ALG2: variants seen among roughly 807,000 people sequenced by gnomAD.
ALG2 encodes the protein alpha-1,3/1,6-mannosyltransferase ALG2.
In ALG2, 32 loss-of-function variants were observed where a neutral mutation model predicts 30.5. That is an observed-to-expected ratio of 1.05 (90% CI 0.79 to 1.41). The LOEUF is 1.41. ALG2 is among the 40% of genes most tolerant of loss of function. ALG2 has a pLI of 0.00. For synonymous variants in ALG2, 253 were observed against 224.8 expected, an observed-to-expected ratio of 1.13 and a Z score of -1.12; for missense variants, 574 against 526.4, an observed-to-expected ratio of 1.09 and a Z score of -0.88.
rs1192829913 is a variant in ALG2, at chr9:99,217,622, C to T, written c.*312G>A. 2.0e-6 allele frequency: 1 copy of T among 492,168 alleles called. No individual in the cohort carries two copies. Among genetic ancestry groups the T allele is most frequent in the Non-Finnish European group, 4.0e-6 (1 of 252,610 alleles). The allele number at this position is 492,168 out of a possible 1,614,324, so 30.5% of individuals were successfully genotyped here. ...ATGAAAACCAATTAAGGCACAGTAT[C>T]ATTCAAAATTTATAGACAGAAGAGC... is the stretch of plus-strand genomic sequence containing the variant. On this transcript the variant is annotated 3_prime_UTR_variant, in exon 2 of 2. Coordinates refer to ENST00000476832, the MANE Select transcript of ALG2 (RefSeq NM_033087.4).
At chr9:99,221,212 T>C (rs1039414089) in intron 1 of ALG2, 9 of 1,312,290 alleles carry the variant, frequency 6.9e-6, no homozygotes, top group Non-Finnish European at 8.1e-6. Flanking sequence ...AAAAGGTGAC[T>C]GAAGCTGACT....
At position 99,221,726 on chromosome 9, in the gene ALG2, C is replaced by T. The variant is rs1828809981; in HGVS notation, c.169G>A (p.Gly57Ser). 1.9e-6 allele frequency: 3 copies of T among 1,598,208 alleles called. No individual in the cohort carries two copies. Among genetic ancestry groups the T allele is most frequent in the South Asian group, 1.1e-5 (1 of 90,900 alleles). Residue 57 changes from glycine to serine, a missense_variant, in exon 1 of 2, where the codon GGC becomes AGC. Coordinates refer to ENST00000476832, the MANE Select transcript of ALG2 (RefSeq NM_033087.4). Reference sequence around the variant, plus strand: ...TCGCGGCTCTCGGCGAAACAGTGGCCCGGGTCGTAGTGCGCTGTCCAGATC... The same window carrying T: ...TCGCGGCTCTCGGCGAAACAGTGGCTCGGGTCGTAGTGCGCTGTCCAGATC... Reference protein sequence around the residue: ...VKIWTAHYDPGHCFAESRELP... With the variant: ...VKIWTAHYDPSHCFAESRELP...
chr9:99,216,854 T>G lies in ALG2; in HGVS notation c.*1080A>C. Reference sequence around the variant, plus strand: ...GGCTCTCAAGTCTAGCTCTTAAGAGTTGATAAATGTGGAGCCTTTGGCTAG... The same window carrying G: ...GGCTCTCAAGTCTAGCTCTTAAGAGGTGATAAATGTGGAGCCTTTGGCTAG... On this transcript the variant is annotated 3_prime_UTR_variant, in exon 2 of 2. Coordinates refer to ENST00000476832, the MANE Select transcript of ALG2 (RefSeq NM_033087.4). 2.2e-6 allele frequency: 1 copy of G among 453,972 alleles called. No individual in the cohort carries two copies. Among genetic ancestry groups the G allele is most frequent in the South Asian group, 1.6e-5 (1 of 64,460 alleles). 28.1% of individuals were successfully genotyped at this position (453,972 alleles called of 1,614,324 possible). A position where few individuals can be genotyped will look rare whatever the true frequency, so the allele number is the denominator to read the frequency against.
In ALG2 at chr9:99,218,966, C is replaced by T. The variant is rs929026741; in HGVS notation, c.349-130G>A. ...GGGCAATGTCTGATTCTGTTTTATT[C>T]CCCAAGACTCTCACCCAGTACCATA... On this transcript the variant is annotated intron_variant, in intron 1 of 1. Coordinates refer to ENST00000476832, the MANE Select transcript of ALG2 (RefSeq NM_033087.4). The T allele has an allele frequency of 6.2e-6, 6 of 972,504 alleles. No homozygotes were observed. In the Admixed American group the frequency reaches 1.2e-4, roughly 19 times the overall value. 60.2% of individuals were successfully genotyped at this position (972,504 alleles called of 1,614,324 possible).
chr9:99,221,135 G>A (rs1828792463), intron 1 of ALG2: 1 of 1,356,060 alleles, frequency 7.4e-7, no homozygotes, highest in Non-Finnish European at 9.7e-7. Flanking sequence ...GGATGCAAAT[G>A]GCCTGAAAGG....
In ALG2 at chr9:99,217,599, G is replaced by A. The variant is rs1828715908; in HGVS notation, c.*335C>T. ...TGATAATGATACACACTTAAACTAT[G>A]AAAACCAATTAAGGCACAGTATCAT... On this transcript the variant is annotated 3_prime_UTR_variant, in exon 2 of 2. Transcript: ENST00000476832. The A allele has an allele frequency of 2.1e-6, 1 of 472,272 alleles. No individual in the cohort carries two copies. Among genetic ancestry groups the A allele is most frequent in the Non-Finnish European group, 4.2e-6 (1 of 239,276 alleles). The allele number at this position is 472,272 out of a possible 1,614,324, so 29.3% of individuals were successfully genotyped here. A position where few individuals can be genotyped will look rare whatever the true frequency, so the allele number is the denominator to read the frequency against.
rs567347138 is a variant in ALG2, at chr9:99,216,527, C to T, written c.*1407G>A. 1.8e-5 allele frequency: 8 copies of T among 453,960 alleles called. No homozygotes were observed. Among genetic ancestry groups the T allele is most frequent in the South Asian group, 9.3e-5 (6 of 64,392 alleles). The allele number at this position is 453,960 out of a possible 1,614,324, so 28.1% of individuals were successfully genotyped here. ...TACAGAATCATTTTGCCAAAATACTCCTGTGATACAGATGCACATGATAAA... is the reference window on the plus strand; with the variant it reads ...TACAGAATCATTTTGCCAAAATACTTCTGTGATACAGATGCACATGATAAA... On this transcript the variant is annotated 3_prime_UTR_variant, in exon 2 of 2. Coordinates refer to ENST00000476832, the MANE Select transcript of ALG2 (RefSeq NM_033087.4).
At position 99,217,196 on chromosome 9, in the gene ALG2, C is replaced by T. The variant is rs1011737229; in HGVS notation, c.*738G>A. The stretch of plus-strand genomic sequence containing the variant: ...TTAACAAAACTAATGACCTAGATGA[C>T]ATTAAGAAATATACCCTAAACAAGA... On this transcript the variant is annotated 3_prime_UTR_variant, in exon 2 of 2. Transcript: ENST00000476832. 1 of 453,958 alleles carries T rather than the reference C, an allele frequency of 2.2e-6. No homozygotes were observed. Among genetic ancestry groups the T allele is most frequent in the African/African-American group, 2.0e-5 (1 of 49,990 alleles). The allele number at this position is 453,958 out of a possible 1,614,324, so 28.1% of individuals were successfully genotyped here. A position where few individuals can be genotyped will look rare whatever the true frequency, so the allele number is the denominator to read the frequency against.
chr9:99,218,242 A>T lies in ALG2; in HGVS notation c.943T>A (p.Cys315Ser). 6.2e-7 allele frequency: 1 copy of T among 1,614,250 alleles called. No individual in the cohort carries two copies. The highest frequency in any genetic ancestry group is 1.1e-5 in the South Asian group (1 of 91,090). The stretch of plus-strand genomic sequence containing the variant: ...CTTGGTGTGTAAAGCACACACGTGC[A>T]GCTGTGGAGGAGGGAGATTTTCTGT... ...DKQKISLLHS[C>S]TCVLYTPSNE... The change falls in exon 2 of 2, where the codon TGC (cysteine) becomes AGC (serine). Residue 315 changes from cysteine to serine, a missense_variant. Cys to Ser is a moderately radical substitution (Grantham distance 112). Coordinates refer to ENST00000476832, the MANE Select transcript of ALG2 (RefSeq NM_033087.4).
At chr9:99,220,075 G>T (rs780471344) in intron 1 of ALG2, among the ~76,000 whole-genome samples, 7 of 152,322 alleles carry the variant, frequency 4.6e-5, no homozygotes, top group Middle Eastern at 3.4e-3. Flanking sequence ...ATCATACATT[G>T]TGGGGGAGTA....
rs1828814151 is a variant in ALG2 at position 99,221,848 on chromosome 9, G to A, written c.47C>T (p.Ser16Leu). ...CAGGTCTGGGTGGAGGAACAGCACC[G>A]ACGGCTTGGGAACCGAGTCCCGTTC... is the stretch of plus-strand genomic sequence containing the variant. The part of the protein sequence containing the change: ...GRERDSVPKP[S>L]VLFLHPDLGV... The change falls in exon 1 of 2, where the codon TCG becomes TTG. Residue 16 changes from serine (S) to leucine (L), a missense_variant. Physicochemically the swap from Ser to Leu is moderately radical, Grantham distance 145. Transcript: ENST00000476832. The A allele has an allele frequency of 1.3e-6, 2 of 1,594,278 alleles. No homozygotes were observed. Among genetic ancestry groups the A allele is most frequent in the African/African-American group, 1.3e-5 (1 of 74,916 alleles).
In ALG2 at chr9:99,217,004, G is replaced by A. The variant is rs1397873893; in HGVS notation, c.*930C>T. The A allele has an allele frequency of 2.2e-6, 1 of 454,020 alleles. No homozygotes were observed. The highest frequency in any genetic ancestry group is 4.4e-6 in the Non-Finnish European group (1 of 226,812). 28.1% of individuals were successfully genotyped at this position (454,020 alleles called of 1,614,324 possible). ...AAGTCAGTGTCACGAAAATATCAGT[G>A]TCATGAAAAGGCTAGAGTACATGGA... On this transcript the variant is annotated 3_prime_UTR_variant, in exon 2 of 2. Transcript: ENST00000476832.
Position 99,218,016 on chromosome 9 carries a change from C to T in ALG2, c.1169G>A (p.Gly390Glu). Residue 390 changes from glycine (G) to glutamate (E), a missense_variant, in exon 2 of 2, where the codon GGA becomes GAA. Transcript: ENST00000476832. Reference sequence around the variant, plus strand: ...AAATTTTTCCTTCACTCTGGCTCTTCCAGCCAGGCCCATGGTGGCTTTTAA... The same window carrying T: ...AAATTTTTCCTTCACTCTGGCTCTTTCAGCCAGGCCCATGGTGGCTTTTAA... ...PSLKATMGLA[G>E]RARVKEKFSP... The T allele has an allele frequency of 6.2e-7, 1 of 1,614,214 alleles. No individual in the cohort carries two copies. The highest frequency in any genetic ancestry group is 8.5e-7 in the Non-Finnish European group (1 of 1,180,030).
At chr9:99,220,468 C>G (rs1828773214) in intron 1 of ALG2, among the ~76,000 whole-genome samples, 1 of 152,028 alleles carries the variant, frequency 6.6e-6, no homozygotes, top group South Asian at 2.1e-4. Flanking sequence ...GTCAGGAGTT[C>G]GAGACCAGCC....
At position 99,221,819 on chromosome 9, in the gene ALG2, C is replaced by T. The variant is rs1280699944; in HGVS notation, c.76G>A (p.Val26Met). The T allele has an allele frequency of 1.3e-6, 2 of 1,597,406 alleles. No individual in the cohort carries two copies. Residue 26 changes from valine to methionine, a missense_variant, in exon 1 of 2, where the codon GTG (valine) becomes ATG (methionine). Val to Met is a conservative substitution (Grantham distance 21). Coordinates refer to ENST00000476832, the MANE Select transcript of ALG2 (RefSeq NM_033087.4). ...SVLFLHPDLG[V>M]GGAERLVLDA... ...AACACCAGCCGCTCAGCGCCGCCCA[C>T]GCCCAGGTCTGGGTGGAGGAACAGC...
chr9:99,217,677 C>T lies in ALG2; in HGVS notation c.*257G>A. The T allele has an allele frequency of 1.7e-6, 1 of 601,302 alleles. No homozygotes were observed. Among genetic ancestry groups the T allele is most frequent in the Non-Finnish European group, 3.1e-6 (1 of 323,702 alleles). The allele number at this position is 601,302 out of a possible 1,614,324, so 37.2% of individuals were successfully genotyped here. A position where few individuals can be genotyped will look rare whatever the true frequency, so the allele number is the denominator to read the frequency against. Reference sequence around the variant, plus strand: ...ATCCCGAGAAAATATAATTAAAATACTCTGCTGAACATGGAATGACACCAC... The same window carrying T: ...ATCCCGAGAAAATATAATTAAAATATTCTGCTGAACATGGAATGACACCAC... On this transcript the variant is annotated 3_prime_UTR_variant, in exon 2 of 2. Coordinates refer to ENST00000476832, the MANE Select transcript of ALG2 (RefSeq NM_033087.4).
chr9:99,217,618 G>GT lies in ALG2; in HGVS notation c.*315dup. The GT allele has an allele frequency of 2.0e-6, 1 of 488,110 alleles. No homozygotes were observed. The highest frequency in any genetic ancestry group is 4.0e-6 in the Non-Finnish European group (1 of 249,836). The allele number at this position is 488,110 out of a possible 1,614,324, so 30.2% of individuals were successfully genotyped here. ...AACTATGAAAACCAATTAAGGCACA[G>GT]TATCATTCAAAATTTATAGACAGAA... On this transcript the variant is annotated 3_prime_UTR_variant, in exon 2 of 2. Transcript: ENST00000476832.
Position 99,217,633 on chromosome 9 carries a change from T to G in ALG2, c.*301A>C, listed in dbSNP as rs941587788. 3 of 504,958 alleles carry G rather than the reference T, an allele frequency of 5.9e-6. No homozygotes were observed. The highest frequency in any genetic ancestry group is 7.7e-6 in the Non-Finnish European group (2 of 260,886). 31.3% of individuals were successfully genotyped at this position (504,958 alleles called of 1,614,324 possible). A position where few individuals can be genotyped will look rare whatever the true frequency, so the allele number is the denominator to read the frequency against. On this transcript the variant is annotated 3_prime_UTR_variant, in exon 2 of 2. Transcript: ENST00000476832. ...TTAAGGCACAGTATCATTCAAAATT[T>G]ATAGACAGAAGAGCAATAATCCCGA...
At chr9:99,220,936 G>A (rs770020142) in intron 1 of ALG2, 1 of 1,341,292 alleles carries the variant, frequency 7.5e-7, no homozygotes, top group South Asian at 1.2e-5. Flanking sequence ...GAAGGAAAGA[G>A]TCAAGAATAG....
Sources: allele counts gnomAD v4.1 joint callset (sites outside exome capture counted in the v4.1 genomes callset), GRCh38; gene constraint gnomAD v4.1.1; transcripts MANE v1.5; gene names NCBI Gene and HGNC (gene_info 2026-07-23, HGNC 2026-07-21).